CACNA2D3: variants seen among roughly 807,000 people sequenced by gnomAD.
The protein encoded by CACNA2D3 is calcium voltage-gated channel auxiliary subunit alpha2delta 3.
CACNA2D3 carries 60 observed loss-of-function variants against 160.6 expected under a neutral mutation model. That is an observed-to-expected ratio of 0.37 (90% confidence interval 0.30 to 0.46). The LOEUF (loss-of-function observed/expected upper bound fraction) is 0.46, where lower values mean the gene tolerates loss of function less well. CACNA2D3 is among the 20% of genes least tolerant of loss of function. The pLI, the probability that CACNA2D3 is intolerant of heterozygous loss-of-function variation, is 1.00. For synonymous variants in CACNA2D3, 558 were observed against 492.9 expected (o/e 1.13, Z -1.75); for missense variants, 1,205 against 1,365.0 (o/e 0.88, Z 1.85).
At chr3:54,945,960 C>T (rs1309064804) in intron 27 of CACNA2D3, among the ~76,000 whole-genome samples, 1 of 152,220 alleles carries the variant, frequency 6.6e-6, no homozygotes, top group Non-Finnish European at 1.5e-5. Context: ...GGCTCCTGCT[C>T]TTCACAAGAG....
At chr3:55,013,153 C>G (rs1021575058) in intron 34 of CACNA2D3, among the ~76,000 whole-genome samples, 3 of 152,126 alleles carry the variant, frequency 2.0e-5, no homozygotes, top group African/African-American at 7.2e-5. Context: ...AGTGCTTTGC[C>G]ATTTCCAGAG....
At chr3:55,040,368 A>G (rs1389604739) in intron 35 of CACNA2D3, among the ~76,000 whole-genome samples, 3 of 152,204 alleles carry the variant, frequency 2.0e-5, no homozygotes, top group Non-Finnish European at 4.4e-5. Flanking sequence ...CAGCATAATA[A>G]TTATTTAAGC....
At chr3:54,143,185 G>A (rs1699968566) in intron 2 of CACNA2D3, among the ~76,000 whole-genome samples, 1 of 152,232 alleles carries the variant, frequency 6.6e-6, no homozygotes, top group African/African-American at 2.4e-5. Context: ...CAGGATTGAA[G>A]AAGCTCCCAG....
At chr3:54,770,522 G>A (rs1180464060) in intron 13 of CACNA2D3, among the ~76,000 whole-genome samples, 1 of 152,200 alleles carries the variant, frequency 6.6e-6, no homozygotes, top group African/African-American at 2.4e-5. Flanking sequence ...TTAAATGAGT[G>A]CTGGCAGCAA....
chr3:54,429,527 T>G (rs544567133), intron 4 of CACNA2D3, among the ~76,000 whole-genome samples: 1 of 152,300 alleles, frequency 6.6e-6, no homozygotes, highest in African/African-American at 2.4e-5. Context: ...ATGCTGGTAT[T>G]TGTAGTACCC....
At position 54,148,168 on chromosome 3, in the gene CACNA2D3, T is replaced by G. The variant is rs558585139; in HGVS notation, c.204+24574T>G. 2.0e-5 allele frequency among the ~76,000 whole-genome samples: 3 copies of G among 152,250 alleles called. No homozygotes were observed. In the East Asian group the frequency reaches 5.8e-4, roughly 29 times the overall value. On this transcript the variant is annotated intron_variant, in intron 2 of 37. Transcript: ENST00000474759. ...GCTCCTTGACATGCCCACGGGCTCT[T>G]AGCTCCAGATGTCTCCTTCATTCTT...
At chr3:54,400,434 A>G (rs1343169861) in intron 4 of CACNA2D3, among the ~76,000 whole-genome samples, 1 of 152,056 alleles carries the variant, frequency 6.6e-6, no homozygotes, top group Non-Finnish European at 1.5e-5. Context: ...GGAACTCAGC[A>G]CTGTTGCAGC....
chr3:54,740,338 G>T (rs1258919684), intron 11 of CACNA2D3, among the ~76,000 whole-genome samples: 2 of 152,104 alleles, frequency 1.3e-5, no homozygotes, highest in East Asian at 1.9e-4. Flanking sequence ...AGAAGATAAT[G>T]GTTGCCCCAA....
At chr3:55,007,638 C>T (rs1703125651) in intron 32 of CACNA2D3, 152 bp from the exon 33 acceptor site, 1 of 577,388 alleles carries the variant, frequency 1.7e-6, no homozygotes, top group East Asian at 3.3e-5. Flanking sequence ...CAGTATCCAA[C>T]AATTTTCTTC....
At chr3:54,638,627 C>T (rs960208999) in intron 10 of CACNA2D3, 7 of 151,506 alleles carry the variant, frequency 4.6e-5, no homozygotes, top group African/African-American at 9.7e-5. Context: ...AGGGGACAGG[C>T]GGGAGGGAAA....
intron 4 of CACNA2D3, among the ~76,000 whole-genome samples, chr3:54,480,366 T>C (rs1700913215): frequency 6.6e-6 from 1 of 152,040 alleles, no homozygotes; most frequent in Non-Finnish European, 1.5e-5. Flanking sequence ...TACAGAGCCA[T>C]GTGGATCTGC....
chr3:54,876,496 C>T (rs1220209664), intron 18 of CACNA2D3, among the ~76,000 whole-genome samples: 2 of 152,184 alleles, frequency 1.3e-5, no homozygotes, highest in Non-Finnish European at 2.9e-5. Context: ...AAGTTAGGAC[C>T]TCAGACTATG....
Position 54,301,320 on chromosome 3 carries a change from C to T in CACNA2D3, c.205-19122C>T, listed in dbSNP as rs185225768. On this transcript the variant is annotated intron_variant, in intron 2 of 37. Coordinates refer to ENST00000474759, the MANE Select transcript of CACNA2D3 (RefSeq NM_018398.3). ...AAAGACAGAAAAAAAAAAAAGAGGC[C>T]GGGGATGGCGGCTCACACCTGTAGT... Among the ~76,000 whole-genome samples, 479 of 151,364 alleles carry T rather than the reference C, an allele frequency of 3.2e-3. 1 individual carries two copies. Among genetic ancestry groups the T allele is most frequent in the Non-Finnish European group, 5.3e-3 (361 of 67,804 alleles).
At chr3:54,867,139 A>G (rs1316425952) in intron 17 of CACNA2D3, among the ~76,000 whole-genome samples, 1 of 152,014 alleles carries the variant, frequency 6.6e-6, no homozygotes, top group Admixed American at 6.6e-5. Context: ...CCGGTAACCA[A>G]CTCCTCACGC....
intron 9 of CACNA2D3, among the ~76,000 whole-genome samples, chr3:54,624,625 C>T (rs1699056961): frequency 1.3e-5 from 2 of 151,412 alleles, no homozygotes; most frequent in South Asian, 4.2e-4. Flanking sequence ...TACTCCGTCT[C>T]AAGAAAAAAA....
intron 14 of CACNA2D3, among the ~76,000 whole-genome samples, chr3:54,824,615 G>A (rs1367458540): frequency 1.3e-5 from 2 of 152,142 alleles, no homozygotes; most frequent in Non-Finnish European, 2.9e-5. Context: ...CCACCTGCCA[G>A]TTCTCACTGG....
intron 11 of CACNA2D3, among the ~76,000 whole-genome samples, chr3:54,695,365 G>A (rs1366506222): frequency 6.7e-6 from 1 of 150,258 alleles, no homozygotes; most frequent in East Asian, 1.9e-4. Context: ...CAGTATTCAA[G>A]TTTAGTTTTT....
chr3:54,293,489 A>G (rs1379854592), intron 2 of CACNA2D3, among the ~76,000 whole-genome samples: 1 of 152,076 alleles, frequency 6.6e-6, no homozygotes, highest in African/African-American at 2.4e-5. Context: ...CTCTTAGAAT[A>G]ATGATCTCCA....
At chr3:54,167,205 C>T (rs1211323453) in intron 2 of CACNA2D3, among the ~76,000 whole-genome samples, 1 of 152,120 alleles carries the variant, frequency 6.6e-6, no homozygotes, top group Non-Finnish European at 1.5e-5. Flanking sequence ...CCCACTAGGT[C>T]ATAAGCTCAC....
Sources: gnomAD v4.1 joint callset for allele counts (sites outside exome capture counted in the v4.1 genomes callset) on GRCh38, gnomAD v4.1.1 for gene constraint, MANE v1.5 for transcripts, NCBI Gene and HGNC (gene_info 2026-07-23, HGNC 2026-07-21) for gene names.